SMU1: variants seen among roughly 807,000 people sequenced by gnomAD.
The protein encoded by SMU1 is WD40 repeat-containing protein SMU1.
In SMU1, 2 loss-of-function variants were observed where a neutral mutation model predicts 62.0. That is an observed-to-expected ratio of 0.03 (90% CI 0.01 to 0.10). The LOEUF (loss-of-function observed/expected upper bound fraction) is 0.10, where lower values mean the gene tolerates loss of function less well. SMU1 is among the 10% of genes least tolerant of loss of function. SMU1 has a pLI of 1.00. For synonymous variants in SMU1, 188 were observed against 212.4 expected (o/e 0.89, Z 1.00); for missense variants, 227 against 622.1 (o/e 0.36, Z 6.76).
At chr9:33,065,747 G>A (rs1283709832) in intron 4 of SMU1, among the ~76,000 whole-genome samples, 1 of 152,120 alleles carries the variant, frequency 6.6e-6, no homozygotes, top group African/African-American at 2.4e-5. Flanking sequence ...TAGCTACCAC[G>A]ACTTCTCCCA....
Position 33,043,280 on chromosome 9 carries a change from A to T in SMU1, c.*4013T>A, listed in dbSNP as rs1839145795. 1 of 152,244 alleles carries T rather than the reference A, an allele frequency of 6.6e-6. No homozygotes were observed. The highest frequency in any genetic ancestry group is 2.1e-4 in the South Asian group (1 of 4,832). 9.4% of individuals were successfully genotyped at this position (152,244 alleles called of 1,614,324 possible). On this transcript the variant is annotated 3_prime_UTR_variant, in exon 12 of 12. Coordinates refer to ENST00000397149, the MANE Select transcript of SMU1 (RefSeq NM_018225.3). The stretch of plus-strand genomic sequence containing the variant: ...TAGCAAGCTATGGCAATTTGAAAAA[A>T]TGTGATTTTAAGAGTCAGTCTTGCA...
At chr9:33,063,361 CA>C (rs547273748) in intron 4 of SMU1, among the ~76,000 whole-genome samples, 16 of 137,254 alleles carry the variant, frequency 1.2e-4, no homozygotes, top group Non-Finnish European at 1.3e-4. Flanking sequence ...AGACTGTCTC[CA>C]AAAAAAAAAG....
chr9:33,051,792 C>G (rs987709567), intron 10 of SMU1, among the ~76,000 whole-genome samples: 1 of 152,062 alleles, frequency 6.6e-6, no homozygotes, highest in Non-Finnish European at 1.5e-5. Flanking sequence ...CAGTGGCTCA[C>G]GCCTGTAATC....
At chr9:33,067,541 C>T (rs1299179631) in intron 4 of SMU1, among the ~76,000 whole-genome samples, 1 of 149,816 alleles carries the variant, frequency 6.7e-6, no homozygotes, top group Non-Finnish European at 1.5e-5. Context: ...TCTTGTCTCC[C>T]AGGCTGGAGT....
Position 33,056,825 on chromosome 9 carries a change from A to T in SMU1, c.995+12T>A, listed in dbSNP as rs758748036. 8.1e-6 allele frequency: 13 copies of T among 1,609,486 alleles called. No individual in the cohort carries two copies. In the Admixed American group the frequency reaches 2.2e-4, roughly 27 times the overall value. ...AAACTCAAGTGAGAGCAGTTTTGGG[A>T]TTTTTACTTACCTAATTGTCTGGTC... On this transcript the variant is annotated intron_variant, in intron 8 of 11. Coordinates refer to ENST00000397149, the MANE Select transcript of SMU1 (RefSeq NM_018225.3).
chr9:33,064,920 T>C (rs1288025880), intron 4 of SMU1, among the ~76,000 whole-genome samples: 6 of 152,094 alleles, frequency 3.9e-5, no homozygotes, highest in Non-Finnish European at 5.9e-5. Flanking sequence ...TTTTTCTATT[T>C]TTAGTAGACA....
intron 4 of SMU1, among the ~76,000 whole-genome samples, chr9:33,065,290 A>G (rs1319090296): frequency 1.3e-5 from 2 of 152,162 alleles, no homozygotes; most frequent in Admixed American, 1.3e-4. Flanking sequence ...TGTCCTTCTT[A>G]TATTTTCTAC....
Position 33,060,475 on chromosome 9 carries a change from T to C in SMU1, c.740A>G (p.Lys247Arg). ...FIEVWNFTTGKIRKDLKYQAQ... is the reference protein window; with the variant it reads ...FIEVWNFTTGRIRKDLKYQAQ... ...TTTAAAATACTTTACCTTTCTGATTTTTCCAGTAGTAAAGTTCCATACTTC... is the reference window on the plus strand; with the variant it reads ...TTTAAAATACTTTACCTTTCTGATTCTTCCAGTAGTAAAGTTCCATACTTC... The change falls in exon 6 of 12, where the codon AAA (lysine) becomes AGA (arginine). Residue 247 changes from lysine (K) to arginine (R), a missense_variant. Coordinates refer to ENST00000397149, the MANE Select transcript of SMU1 (RefSeq NM_018225.3). 6.3e-7 allele frequency: 1 copy of C among 1,596,728 alleles called. No homozygotes were observed. Among genetic ancestry groups the C allele is most frequent in the Non-Finnish European group, 8.5e-7 (1 of 1,176,366 alleles).
intron 5 of SMU1, 130 bp downstream of exon 5, chr9:33,061,919 T>G: frequency 1.0e-6 from 1 of 1,000,822 alleles, no homozygotes. Context: ...GCAGCAACCT[T>G]GAATATTGTC....
intron 5 of SMU1, 125 bp from the exon 6 acceptor site, chr9:33,060,709 T>C (rs1252113750): frequency 8.6e-6 from 10 of 1,158,264 alleles, no homozygotes; most frequent in African/African-American, 1.6e-5. Flanking sequence ...TTATAGAGTA[T>C]TGGAGGGGTA....
At chr9:33,068,985 T>C in intron 3 of SMU1, 51 bp from the exon 4 acceptor site, 1 of 1,588,946 alleles carries the variant, frequency 6.3e-7, no homozygotes. Flanking sequence ...CAACAAGATA[T>C]GAGTGTGCTT....
chr9:33,064,527 C>T (rs1839397486), intron 4 of SMU1, among the ~76,000 whole-genome samples: 1 of 151,962 alleles, frequency 6.6e-6, no homozygotes, highest in Admixed American at 6.6e-5. Context: ...TCTCTTATTC[C>T]TAGGTTTTGT....
chr9:33,058,820 G>A lies in SMU1; in HGVS notation c.751-1106C>T, dbSNP rs562931667. ...GATGATATAAAAAAATTTCAAGTCT[G>A]TAAAACAAAACAAGCAAAATCAAGA... On this transcript the variant is annotated intron_variant, in intron 6 of 11. Coordinates refer to ENST00000397149, the MANE Select transcript of SMU1 (RefSeq NM_018225.3). 3.9e-5 allele frequency among the ~76,000 whole-genome samples: 6 copies of A among 152,180 alleles called. No homozygotes were observed. The East Asian group carries it at 9.6e-4, about 24-fold the overall frequency.
At chr9:33,057,171 T>C (rs941825819) in intron 7 of SMU1, among the ~76,000 whole-genome samples, 4 of 152,150 alleles carry the variant, frequency 2.6e-5, no homozygotes, top group African/African-American at 9.7e-5. Context: ...TTGTAAATTA[T>C]TAAAACAAAA....
chr9:33,057,153 C>A (rs1047584080), intron 7 of SMU1, among the ~76,000 whole-genome samples, 189 bp from the exon 8 acceptor site: 2 of 152,154 alleles, frequency 1.3e-5, no homozygotes, highest in African/African-American at 4.8e-5. Context: ...AAACTTAAAA[C>A]TCTTTCCTTG....
At chr9:33,048,361 G>T in intron 10 of SMU1, 103 bp from the exon 11 acceptor site, 1 of 1,429,708 alleles carries the variant, frequency 7.0e-7, no homozygotes, top group South Asian at 1.3e-5. Flanking sequence ...TTTGCACTTT[G>T]GTTTACTATC....
intron 5 of SMU1, among the ~76,000 whole-genome samples, chr9:33,061,720 G>A (rs1192846635): frequency 1.3e-5 from 2 of 152,182 alleles, no homozygotes; most frequent in Admixed American, 6.5e-5. Context: ...GTAAACAGAA[G>A]AAGTACATAC....
intron 2 of SMU1, among the ~76,000 whole-genome samples, chr9:33,072,619 T>A (rs1007309716): frequency 1.3e-5 from 2 of 151,708 alleles, no homozygotes; most frequent in African/African-American, 2.4e-5. Context: ...TCACTTGAGG[T>A]CAGGAGTTGG....
chr9:33,072,499 A>T (rs1246687593), intron 2 of SMU1, among the ~76,000 whole-genome samples: 1 of 152,162 alleles, frequency 6.6e-6, no homozygotes, highest in Non-Finnish European at 1.5e-5. Flanking sequence ...CCAGTTACCA[A>T]AATTTTCTTT....
Sources: allele counts gnomAD v4.1 joint callset (sites outside exome capture counted in the v4.1 genomes callset), GRCh38; gene constraint gnomAD v4.1.1; transcripts MANE v1.5; gene names NCBI Gene and HGNC (gene_info 2026-07-23, HGNC 2026-07-21).